PPP2R5E: variants seen among roughly 807,000 people sequenced by gnomAD.
PPP2R5E encodes serine/threonine-protein phosphatase 2A 56 kDa regulatory subunit epsilon isoform.
PPP2R5E carries 4 observed loss-of-function variants against 65.3 expected under a neutral mutation model. The ratio of observed to expected loss-of-function variants is 0.06; its 90% CI spans 0.03 to 0.14. PPP2R5E has a LOEUF of 0.14. Ranked by LOEUF, PPP2R5E falls within the 10% of genes least tolerant of loss-of-function variation. The pLI is 1.00. For synonymous variants in PPP2R5E, 183 were observed against 187.4 expected, an observed-to-expected ratio of 0.98 and a Z score of 0.19; for missense variants, 274 against 556.1, an observed-to-expected ratio of 0.49 and a Z score of 5.10.
At chr14:63,531,745 A>G (rs1893445544) in intron 2 of PPP2R5E, among the ~76,000 whole-genome samples, 1 of 151,984 alleles carries the variant, frequency 6.6e-6, no homozygotes, top group African/African-American at 2.4e-5. Flanking sequence ...CTTGAGGTCA[A>G]GAGTTCAAGA....
intron 2 of PPP2R5E, among the ~76,000 whole-genome samples, chr14:63,464,752 T>C (rs1889691420): frequency 6.6e-6 from 1 of 152,216 alleles, no homozygotes; most frequent in Admixed American, 6.5e-5. Context: ...CCAGGCACGG[T>C]GGCTCATGCC....
chr14:63,481,382 G>A (rs1043116287), intron 2 of PPP2R5E, among the ~76,000 whole-genome samples: 2 of 151,660 alleles, frequency 1.3e-5, no homozygotes, highest in Admixed American at 1.3e-4. Context: ...TGTAATCCCA[G>A]CTACTAGGGA....
At chr14:63,531,826 A>C (rs112507898) in intron 2 of PPP2R5E, among the ~76,000 whole-genome samples, 273 of 152,016 alleles carry the variant, frequency 1.8e-3, no homozygotes, top group African/African-American at 6.1e-3. Flanking sequence ...GGTGGCGCAC[A>C]CCTGTAATCC....
Position 63,374,654 on chromosome 14 carries a change from T to G in PPP2R5E, c.*1355A>C, listed in dbSNP as rs902988892. The G allele has an allele frequency of 1.9e-5, 2 of 107,800 alleles. No individual in the cohort carries two copies. The highest frequency in any genetic ancestry group is 5.0e-4 in the East Asian group (1 of 2,014). The allele number at this position is 107,800 out of a possible 1,614,324, so 6.7% of individuals were successfully genotyped here. ...AATAAGATATATATATATATATATA[T>G]ATATATATATATATAAAATACAGCC... On this transcript the variant is annotated 3_prime_UTR_variant, in exon 14 of 14. Transcript: ENST00000337537.
At chr14:63,491,045 G>A (rs1891262751) in intron 2 of PPP2R5E, among the ~76,000 whole-genome samples, 1 of 152,006 alleles carries the variant, frequency 6.6e-6, no homozygotes, top group Non-Finnish European at 1.5e-5. Flanking sequence ...GGAATACTAT[G>A]CAGCATAAGA....
chr14:63,422,644 T>C (rs546077123), intron 3 of PPP2R5E, among the ~76,000 whole-genome samples: 2 of 145,894 alleles, frequency 1.4e-5, no homozygotes, highest in Non-Finnish European at 3.0e-5. Context: ...GAGAATGGCG[T>C]GAACCCCGGA....
At chr14:63,538,967 A>G (rs1020965030) in intron 2 of PPP2R5E, among the ~76,000 whole-genome samples, 1 of 152,140 alleles carries the variant, frequency 6.6e-6, no homozygotes, top group African/African-American at 2.4e-5. Flanking sequence ...ATTTCAAAGA[A>G]AAGATCATAC....
At chr14:63,493,456 C>G (rs1284583370) in intron 2 of PPP2R5E, among the ~76,000 whole-genome samples, 1 of 142,920 alleles carries the variant, frequency 7.0e-6, no homozygotes, top group East Asian at 2.0e-4. Flanking sequence ...CCAGGTCTCT[C>G]CAGACATTGC....
intron 3 of PPP2R5E, among the ~76,000 whole-genome samples, chr14:63,430,678 G>A (rs1887625960): frequency 6.6e-6 from 1 of 152,090 alleles, no homozygotes; most frequent in South Asian, 2.1e-4. Flanking sequence ...ATGCCTGAGG[G>A]ACTTAGAATC....
At chr14:63,520,859 C>CAAAAAAAAAAAAAAAAAA (rs748146106) in intron 2 of PPP2R5E, among the ~76,000 whole-genome samples, 1 of 58,530 alleles carries the variant, frequency 1.7e-5, no homozygotes, top group Non-Finnish European at 4.1e-5. Context: ...ACTAAAAATA[C>CAAAAAAAAAAAAAAAAAA]AAAAAAAAAA....
intron 11 of PPP2R5E, among the ~76,000 whole-genome samples, chr14:63,384,892 C>G: frequency 6.6e-6 from 1 of 152,068 alleles, no homozygotes; most frequent in Non-Finnish European, 1.5e-5. Flanking sequence ...GGCGGGGTTT[C>G]ACCACATTGG....
At chr14:63,464,173 C>T (rs1018202672) in intron 2 of PPP2R5E, among the ~76,000 whole-genome samples, 7 of 152,134 alleles carry the variant, frequency 4.6e-5, no homozygotes. Context: ...CCAGGGACTA[C>T]TGTGATAACA....
intron 2 of PPP2R5E, among the ~76,000 whole-genome samples, chr14:63,474,228 G>A (rs952084502): frequency 5.9e-5 from 9 of 152,118 alleles, no homozygotes; most frequent in Admixed American, 3.3e-4. Flanking sequence ...ACTCTGGGGG[G>A]AGAATACAGA....
rs368937477 is a variant in PPP2R5E at position 63,509,549 on chromosome 14, C to A, written c.157+29980G>T. Reference sequence around the variant, plus strand: ...TTGGCCTCCCAAAGTGCTGGGATTACAGGCCTCGTGAGTCGCTGTGCCAGG... The same window carrying A: ...TTGGCCTCCCAAAGTGCTGGGATTAAAGGCCTCGTGAGTCGCTGTGCCAGG... On this transcript the variant is annotated intron_variant, in intron 2 of 13. Transcript: ENST00000337537. Among the ~76,000 whole-genome samples the A allele has an allele frequency of 6.2e-4, 95 of 152,310 alleles. No homozygotes were observed. In the South Asian group the frequency reaches 0.018, roughly 29 times the overall value.
intron 2 of PPP2R5E, among the ~76,000 whole-genome samples, chr14:63,488,875 A>C (rs1319198159): frequency 6.6e-6 from 1 of 151,164 alleles, no homozygotes; most frequent in Non-Finnish European, 1.5e-5. Flanking sequence ...TTAATTAAAT[A>C]TAAATATAAA....
chr14:63,448,035 C>T (rs1213901179), intron 3 of PPP2R5E, among the ~76,000 whole-genome samples: 2 of 152,166 alleles, frequency 1.3e-5, no homozygotes, highest in Non-Finnish European at 2.9e-5. Context: ...CGGTGGCTCA[C>T]GCCTGTAATC....
chr14:63,430,389 A>ACATACATACATG lies in PPP2R5E; in HGVS notation c.355-8307_355-8296dup, dbSNP rs1555359674. The stretch of plus-strand genomic sequence containing the variant: ...TACATACATGCATGCATACATACAT[A>ACATACATACATG]CATACATACATGCATACATACATAC... On this transcript the variant is annotated intron_variant, in intron 3 of 13. Transcript: ENST00000337537. Among the ~76,000 whole-genome samples the ACATACATACATG allele has an allele frequency of 9.8e-4, 140 of 142,582 alleles. 1 individual carries two copies. Among genetic ancestry groups the ACATACATACATG allele is most frequent in the African/African-American group, 1.6e-3 (54 of 34,278 alleles). 93.5% of individuals were successfully genotyped at this position (142,582 alleles called of 152,430 possible).
At chr14:63,384,412 A>G (rs773289832) in intron 12 of PPP2R5E, 32 bp downstream of exon 12, 3 of 1,596,376 alleles carry the variant, frequency 1.9e-6, no homozygotes, top group Admixed American at 3.3e-5. Context: ...GGAAGGGAGG[A>G]AGAGAACGGA....
chr14:63,521,227 G>A (rs1892895200), intron 2 of PPP2R5E, among the ~76,000 whole-genome samples: 1 of 152,062 alleles, frequency 6.6e-6, no homozygotes, highest in Non-Finnish European at 1.5e-5. Context: ...CTTTTAAAAT[G>A]TTAAGACATA....
Sources: gnomAD v4.1 joint callset for allele counts (sites outside exome capture counted in the v4.1 genomes callset) on GRCh38, gnomAD v4.1.1 for gene constraint, MANE v1.5 for transcripts, NCBI Gene and HGNC (gene_info 2026-07-23, HGNC 2026-07-21) for gene names.